AGBL4: variants seen among roughly 807,000 people sequenced by gnomAD.
AGBL4 encodes the protein cytosolic carboxypeptidase 6.
In AGBL4, 58 loss-of-function variants were observed where a neutral mutation model predicts 66.4. The ratio of observed to expected loss-of-function variants is 0.87; its 90% CI spans 0.71 to 1.09. The LOEUF (loss-of-function observed/expected upper bound fraction) is 1.09. Among genes scored for constraint, AGBL4 ranks in the 50% least tolerant of loss-of-function variants. AGBL4 has a pLI of 0.00. For synonymous variants in AGBL4, 234 were observed against 222.9 expected, an observed-to-expected ratio of 1.05 and a Z score of -0.44; for missense variants, 579 against 631.0, an observed-to-expected ratio of 0.92 and a Z score of 0.88.
intron 9 of AGBL4, among the ~76,000 whole-genome samples, chr1:48,608,823 G>A (rs532463879): frequency 5.3e-5 from 8 of 151,816 alleles, no homozygotes; most frequent in Admixed American, 2.0e-4. Flanking sequence ...AAGAAAGTTT[G>A]TTGAAAAAAA....
chr1:48,943,509 A>G (rs1202122016), intron 5 of AGBL4, among the ~76,000 whole-genome samples: 1 of 152,210 alleles, frequency 6.6e-6, no homozygotes, highest in Non-Finnish European at 1.5e-5. Flanking sequence ...TTATACCCCC[A>G]CATACACTCC....
At chr1:49,938,889 T>G (rs1276930158) in intron 1 of AGBL4, among the ~76,000 whole-genome samples, 2 of 152,022 alleles carry the variant, frequency 1.3e-5, no homozygotes, top group African/African-American at 4.8e-5. Flanking sequence ...GGGTATTCAA[T>G]TAGGAAAAGA....
chr1:48,549,478 G>T (rs1644217598), intron 11 of AGBL4, among the ~76,000 whole-genome samples: 1 of 152,114 alleles, frequency 6.6e-6, no homozygotes, highest in Admixed American at 6.6e-5. Flanking sequence ...GAGAGGGAGA[G>T]GGAGAGGGAG....
chr1:49,802,264 G>C (rs1311452255), intron 2 of AGBL4, among the ~76,000 whole-genome samples: 2 of 152,100 alleles, frequency 1.3e-5, no homozygotes, highest in African/African-American at 2.4e-5. Context: ...ACACATCGGG[G>C]GGGGTCGCCT....
intron 4 of AGBL4, among the ~76,000 whole-genome samples, chr1:49,086,012 G>A (rs978544679): frequency 2.0e-5 from 3 of 152,136 alleles, no homozygotes; most frequent in African/African-American, 7.2e-5. Flanking sequence ...GACAAGGTTT[G>A]GTGCCAGCCT....
intron 3 of AGBL4, among the ~76,000 whole-genome samples, chr1:49,564,583 G>A (rs1483140007): frequency 6.6e-6 from 1 of 152,168 alleles, no homozygotes; most frequent in Non-Finnish European, 1.5e-5. Context: ...TCATTCAGGA[G>A]CAGGTTGTTC....
At chr1:48,550,855 A>G (rs1367897344) in intron 11 of AGBL4, among the ~76,000 whole-genome samples, 1 of 152,134 alleles carries the variant, frequency 6.6e-6, no homozygotes, top group Non-Finnish European at 1.5e-5. Context: ...CTAATTTCAG[A>G]GTGCTTTTTG....
chr1:49,228,577 C>T (rs1000242621), intron 4 of AGBL4, among the ~76,000 whole-genome samples: 2 of 152,108 alleles, frequency 1.3e-5, no homozygotes, highest in African/African-American at 4.8e-5. Context: ...GGCCATAAGG[C>T]AGGATTGTGT....
chr1:48,724,437 C>G (rs1647198585), intron 6 of AGBL4, among the ~76,000 whole-genome samples: 1 of 152,112 alleles, frequency 6.6e-6, no homozygotes, highest in African/African-American at 2.4e-5. Context: ...TGGGTTAAGG[C>G]TTGGGCAGCT....
intron 6 of AGBL4, among the ~76,000 whole-genome samples, chr1:48,841,761 G>T (rs1402426863): frequency 1.3e-5 from 2 of 151,968 alleles, no homozygotes; most frequent in East Asian, 3.9e-4. Context: ...GCCAGTTTCT[G>T]CACATTGAAT....
At chr1:49,516,716 T>C (rs997753401) in intron 3 of AGBL4, among the ~76,000 whole-genome samples, 3 of 152,056 alleles carry the variant, frequency 2.0e-5, no homozygotes, top group African/African-American at 7.2e-5. Context: ...GAGGAAGTGC[T>C]GTGTCTAGGA....
intron 3 of AGBL4, among the ~76,000 whole-genome samples, chr1:49,514,220 C>T (rs926655211): frequency 1.5e-4 from 23 of 151,876 alleles, no homozygotes; most frequent in African/African-American, 5.6e-4. Context: ...TTTCCTTCTC[C>T]TGCCTGATTG....
At chr1:49,591,076 T>C (rs1424033975) in intron 3 of AGBL4, among the ~76,000 whole-genome samples, 1 of 151,988 alleles carries the variant, frequency 6.6e-6, no homozygotes, top group Non-Finnish European at 1.5e-5. Flanking sequence ...CTAAAATCAA[T>C]AACTTTCATA....
At chr1:49,793,889 A>C (rs1272234639) in intron 2 of AGBL4, among the ~76,000 whole-genome samples, 2 of 151,982 alleles carry the variant, frequency 1.3e-5, no homozygotes, top group Admixed American at 6.6e-5. Flanking sequence ...TGACTGAAGG[A>C]AAATCAGAAG....
chr1:49,680,049 CTTT>C (rs61150148), intron 3 of AGBL4, among the ~76,000 whole-genome samples: 8 of 118,082 alleles, frequency 6.8e-5, no homozygotes, highest in South Asian at 2.9e-4. Flanking sequence ...TTCTTCTTCC[CTTT>C]TTTTTTTTTT....
chr1:49,494,663 C>T (rs931914270), intron 3 of AGBL4, among the ~76,000 whole-genome samples: 2 of 152,084 alleles, frequency 1.3e-5, no homozygotes, highest in African/African-American at 4.8e-5. Context: ...TTTTCTTAAT[C>T]CAGTCTAATA....
chr1:49,289,185 T>C (rs1194148719), intron 3 of AGBL4, among the ~76,000 whole-genome samples: 3 of 151,932 alleles, frequency 2.0e-5, no homozygotes, highest in Admixed American at 6.6e-5. Context: ...ATATAAAGAA[T>C]TAAATGAAAA....
intron 2 of AGBL4, among the ~76,000 whole-genome samples, chr1:49,771,723 C>T (rs1426427479): frequency 1.3e-5 from 2 of 151,952 alleles, no homozygotes; most frequent in Non-Finnish European, 2.9e-5. Flanking sequence ...TATTGAATTG[C>T]TCCCTTTATC....
intron 5 of AGBL4, among the ~76,000 whole-genome samples, chr1:49,041,455 C>T (rs955494135): frequency 1.3e-5 from 2 of 152,082 alleles, no homozygotes; most frequent in African/African-American, 4.8e-5. Context: ...ATTAAATTTA[C>T]TTTCTTAAAA....
Sources: gnomAD v4.1 joint callset for allele counts (sites outside exome capture counted in the v4.1 genomes callset) on GRCh38, gnomAD v4.1.1 for gene constraint, MANE v1.5 for transcripts, NCBI Gene and HGNC (gene_info 2026-07-23, HGNC 2026-07-21) for gene names.